The following SAMMSON variants were observed in gnomAD, a reference collection of about 807,000 sequenced individuals.
SAMMSON encodes long intergenic non-protein coding RNA 1212.
At chr3:70,245,949 TG>T (rs1254754517) in intron 4 of SAMMSON, among the ~76,000 whole-genome samples, 1 of 151,564 alleles carries the variant, frequency 6.6e-6, no homozygotes, top group Non-Finnish European at 1.5e-5. Context: ...TCTTCCTGCC[TG>T]CTTTGTTCTT....
chr3:70,039,601 A>T (rs1282509342), intron 3 of SAMMSON, among the ~76,000 whole-genome samples: 2 of 66,850 alleles, frequency 3.0e-5, no homozygotes, highest in African/African-American at 1.3e-4. Flanking sequence ...CTTCACACAC[A>T]CACACACACA....
intron 4 of SAMMSON, among the ~76,000 whole-genome samples, chr3:70,105,878 C>G (rs908088083): frequency 6.6e-6 from 1 of 152,024 alleles, no homozygotes; most frequent in South Asian, 2.1e-4. Flanking sequence ...TTCATGAGCC[C>G]CACCTGGGAA....
chr3:70,002,513 C>T (rs2066910050), intron 1 of SAMMSON, among the ~76,000 whole-genome samples: 1 of 152,072 alleles, frequency 6.6e-6, no homozygotes, highest in Non-Finnish European at 1.5e-5. Flanking sequence ...ATTCTCTCAC[C>T]AACAGTGGCA....
At chr3:70,044,578 G>C (rs1026247907) in intron 3 of SAMMSON, among the ~76,000 whole-genome samples, 5 of 151,904 alleles carry the variant, frequency 3.3e-5, no homozygotes, top group Non-Finnish European at 4.4e-5. Context: ...CTGAGAACAG[G>C]TATCAAAGGC....
At chr3:70,249,252 G>A (rs942868454) in intron 5 of SAMMSON, 3 of 152,154 alleles carry the variant, frequency 2.0e-5, no homozygotes, top group Non-Finnish European at 4.4e-5. Flanking sequence ...GGTTTGAAGG[G>A]ACAGAACTGG....
intron 7 of SAMMSON, among the ~76,000 whole-genome samples, chr3:70,351,405 G>A (rs567274603): frequency 6.6e-5 from 10 of 152,108 alleles, no homozygotes; most frequent in African/African-American, 2.2e-4. Flanking sequence ...GGGCAGAGAA[G>A]AAAAATATGT....
At chr3:70,365,435 T>A (rs1702913128) in intron 9 of SAMMSON, among the ~76,000 whole-genome samples, 1 of 151,766 alleles carries the variant, frequency 6.6e-6, no homozygotes, top group African/African-American at 2.4e-5. Context: ...AATCTGTACC[T>A]ATATTAGACT....
intron 4 of SAMMSON, among the ~76,000 whole-genome samples, chr3:70,133,459 A>G (rs537123566): frequency 6.6e-6 from 1 of 152,234 alleles, no homozygotes; most frequent in East Asian, 1.9e-4. Flanking sequence ...TCCTTTTATA[A>G]TAGATCATAA....
At chr3:70,039,639 ACACACT>A (rs1190100385) in intron 3 of SAMMSON, among the ~76,000 whole-genome samples, 1 of 116,120 alleles carries the variant, frequency 8.6e-6, no homozygotes, top group African/African-American at 3.1e-5. Flanking sequence ...ACACACACAC[ACACACT>A]TTCTATTGGT....
At chr3:70,145,248 C>CA (rs1359682195) in intron 4 of SAMMSON, among the ~76,000 whole-genome samples, 1 of 152,072 alleles carries the variant, frequency 6.6e-6, no homozygotes, top group East Asian at 1.9e-4. Context: ...GACAAGTCCA[C>CA]AATTGTAGTT....
At chr3:70,009,771 C>A (rs936424428) in intron 1 of SAMMSON, among the ~76,000 whole-genome samples, 1 of 150,452 alleles carries the variant, frequency 6.6e-6, no homozygotes, top group Non-Finnish European at 1.5e-5. Flanking sequence ...CTTTTGTGGG[C>A]ATTTAGTGCT....
chr3:70,104,758 G>T (rs913928310), intron 4 of SAMMSON, among the ~76,000 whole-genome samples: 5 of 152,108 alleles, frequency 3.3e-5, no homozygotes, highest in African/African-American at 1.2e-4. Flanking sequence ...TCAAGGCCTG[G>T]GGTGTGTATC....
intron 4 of SAMMSON, among the ~76,000 whole-genome samples, chr3:70,247,429 T>A (rs1559544192): frequency 6.6e-6 from 1 of 151,948 alleles, no homozygotes; most frequent in South Asian, 2.1e-4. Flanking sequence ...GAAAGTTAAC[T>A]GTGCTCTTGA....
intron 7 of SAMMSON, among the ~76,000 whole-genome samples, chr3:70,324,347 G>A (rs1226796056): frequency 6.6e-6 from 1 of 151,980 alleles, no homozygotes; most frequent in South Asian, 2.1e-4. Context: ...TCAGATCAGC[G>A]GCCCTGAAGG....
At chr3:70,431,662 T>C (rs916666344) in intron 2 of SAMMSON, among the ~76,000 whole-genome samples, 2 of 151,988 alleles carry the variant, frequency 1.3e-5, no homozygotes, top group African/African-American at 4.8e-5. Context: ...CGTTTAATGA[T>C]TTTTGACAAT....
chr3:70,131,508 G>C (rs2067482492), intron 4 of SAMMSON, among the ~76,000 whole-genome samples: 1 of 152,112 alleles, frequency 6.6e-6, no homozygotes, highest in South Asian at 2.1e-4. Flanking sequence ...TTGCCTTCAT[G>C]TCCATTATTT....
At chr3:70,265,548 G>A (rs1445463200) in intron 6 of SAMMSON, among the ~76,000 whole-genome samples, 1 of 151,094 alleles carries the variant, frequency 6.6e-6, no homozygotes, top group Non-Finnish European at 1.5e-5. Flanking sequence ...AGCCATCTCA[G>A]GACTTTTAGG....
chr3:70,050,624 A>T (rs183417387), intron 3 of SAMMSON, among the ~76,000 whole-genome samples: 1 of 152,156 alleles, frequency 6.6e-6, no homozygotes, highest in Non-Finnish European at 1.5e-5. Flanking sequence ...CAGACTGCTA[A>T]TTAGGATTCC....
intron 6 of SAMMSON, among the ~76,000 whole-genome samples, chr3:70,274,025 T>C (rs1168245403): frequency 5.3e-5 from 8 of 151,290 alleles, no homozygotes; most frequent in African/African-American, 2.4e-5. Context: ...CCATTATTAA[T>C]ATTATAAATA....
Sources: allele counts gnomAD v4.1 joint callset (sites outside exome capture counted in the v4.1 genomes callset), GRCh38; gene constraint gnomAD v4.1.1; transcripts MANE v1.5; gene names NCBI Gene and HGNC (gene_info 2026-07-23, HGNC 2026-07-21).